The following ATOSA variants were observed in gnomAD, a reference collection of about 807,000 sequenced individuals.
The protein encoded by ATOSA is atos homolog protein A.
chr15:52,699,079 C>T, the ATOSA span, among the ~76,000 whole-genome samples: 3 of 152,174 alleles, frequency 2.0e-5, no homozygotes, highest in Non-Finnish European at 4.4e-5. Context: ...AAAAGCACTG[C>T]ATAAATGCAC....
At chr15:52,602,541 C>T in the ATOSA span, among the ~76,000 whole-genome samples, 2 of 152,024 alleles carry the variant, frequency 1.3e-5, no homozygotes, top group Non-Finnish European at 2.9e-5. Context: ...CATGTTTCCC[C>T]TACTAATACT....
the ATOSA span, among the ~76,000 whole-genome samples, chr15:52,681,987 T>C: frequency 6.6e-6 from 1 of 152,336 alleles, no homozygotes; most frequent in South Asian, 2.1e-4. Context: ...GGTACCTTCT[T>C]CTTTCTTGTA....
chr15:52,708,680 T>C, the ATOSA span, among the ~76,000 whole-genome samples: 2 of 147,910 alleles, frequency 1.4e-5, no homozygotes, highest in African/African-American at 4.9e-5. Context: ...AATTGGGTAC[T>C]TTTTTTTTTT....
the ATOSA span, among the ~76,000 whole-genome samples, chr15:52,682,155 T>C: frequency 2.0e-5 from 3 of 152,182 alleles, no homozygotes; most frequent in Non-Finnish European, 4.4e-5. Flanking sequence ...AGTTGAGAAA[T>C]TGGTGGGTAG....
At chr15:52,664,332 T>A in the ATOSA span, among the ~76,000 whole-genome samples, 1 of 152,202 alleles carries the variant, frequency 6.6e-6, no homozygotes, top group Non-Finnish European at 1.5e-5. Context: ...AAAAAGGAGA[T>A]TTAGGGAATA....
At chr15:52,609,588 C>G in the ATOSA span, 1 of 1,613,124 alleles carries the variant, frequency 6.2e-7, no homozygotes, top group Admixed American at 1.7e-5. Flanking sequence ...GAATTTTCCC[C>G]TCATTGGTGT....
chr15:52,622,599 A>G, the ATOSA span, among the ~76,000 whole-genome samples: 1 of 152,212 alleles, frequency 6.6e-6, no homozygotes, highest in Non-Finnish European at 1.5e-5. Flanking sequence ...AAAAAGGATG[A>G]TGTGATATGA....
At chr15:52,607,282 C>A in the ATOSA span, among the ~76,000 whole-genome samples, 1 of 152,170 alleles carries the variant, frequency 6.6e-6, no homozygotes. Context: ...GCACAATGGG[C>A]ACACCGCTAA....
chr15:52,593,679 C>T, the ATOSA span: 21 of 1,558,770 alleles, frequency 1.3e-5, no homozygotes, highest in South Asian at 9.5e-5. Context: ...GCCCCTACCT[C>T]GGCAGTAAAA....
chr15:52,616,898 ATAAACCT>A, the ATOSA span, among the ~76,000 whole-genome samples: 1 of 152,220 alleles, frequency 6.6e-6, no homozygotes, highest in African/African-American at 2.4e-5. Context: ...CCAGTCCCTC[ATAAACCT>A]ACTGAGACAG....
the ATOSA span, among the ~76,000 whole-genome samples, chr15:52,616,746 A>G: frequency 6.6e-6 from 1 of 152,212 alleles, no homozygotes; most frequent in African/African-American, 2.4e-5. Flanking sequence ...ATGTACACCC[A>G]GGAGCTATGC....
chr15:52,598,791 A>G, the ATOSA span: 1 of 152,150 alleles, frequency 6.6e-6, no homozygotes, highest in African/African-American at 2.4e-5. Flanking sequence ...TGTAATCCCC[A>G]AAATTGAAGG....
the ATOSA span, among the ~76,000 whole-genome samples, chr15:52,677,293 GA>G: frequency 6.6e-6 from 1 of 152,152 alleles, no homozygotes; most frequent in Non-Finnish European, 1.5e-5. Flanking sequence ...ATATCTGACT[GA>G]AAAGCTCTCA....
chr15:52,610,391 C>A, the ATOSA span: 1 of 1,591,962 alleles, frequency 6.3e-7, no homozygotes. Context: ...ATTCTAGAAT[C>A]ACACAGAAAA....
the ATOSA span, among the ~76,000 whole-genome samples, chr15:52,684,981 ATT>A: frequency 2.0e-5 from 3 of 152,264 alleles, no homozygotes; most frequent in Non-Finnish European, 4.4e-5. Context: ...CAATATCTCT[ATT>A]GATACTTTAA....
At chr15:52,633,548 CA>C in the ATOSA span, among the ~76,000 whole-genome samples, 1 of 151,852 alleles carries the variant, frequency 6.6e-6, no homozygotes, top group African/African-American at 2.4e-5. Flanking sequence ...AGGTTCTAAA[CA>C]GTTAAAGCAT....
the ATOSA span, chr15:52,614,024 A>G: frequency 1.5e-6 from 1 of 667,550 alleles, no homozygotes; most frequent in South Asian, 1.6e-5. Flanking sequence ...TTCACAAACT[A>G]CAGAAGTGAG....
the ATOSA span, chr15:52,678,209 T>G: frequency 1.5e-6 from 1 of 676,740 alleles, no homozygotes; most frequent in East Asian, 2.7e-5. Context: ...GGCCTCTTCC[T>G]GGCACCAACT....
the ATOSA span, among the ~76,000 whole-genome samples, chr15:52,626,885 A>C: frequency 6.6e-6 from 1 of 152,188 alleles, no homozygotes; most frequent in Non-Finnish European, 1.5e-5. Flanking sequence ...CTTGTTGCCT[A>C]TTCTGTAACA....
Sources: allele counts gnomAD v4.1 joint callset (sites outside exome capture counted in the v4.1 genomes callset), GRCh38; gene constraint gnomAD v4.1.1; transcripts MANE v1.5; gene names NCBI Gene and HGNC (gene_info 2026-07-23, HGNC 2026-07-21).